Variants in ADGRV1 observed in about 807,000 individuals in gnomAD.
The protein encoded by ADGRV1 is adhesion G protein-coupled receptor V1, also known as G-protein coupled receptor 98.
ADGRV1 carries 359 observed loss-of-function variants against 596.2 expected under a neutral mutation model. That is an observed-to-expected ratio of 0.60 (90% CI 0.55 to 0.66). The LOEUF (loss-of-function observed/expected upper bound fraction) is 0.66, where lower values mean the gene tolerates loss of function less well. Ranked by LOEUF, ADGRV1 falls within the 30% of genes least tolerant of loss-of-function variation. The pLI is 0.00. For synonymous variants in ADGRV1, 2,681 were observed against 2,679.2 expected, an observed-to-expected ratio of 1.00 and a Z score of -0.02; for missense variants, 7,274 against 7,575.6, an observed-to-expected ratio of 0.96 and a Z score of 1.48.
rs912171479 is a variant in ADGRV1 at position 90,853,585 on chromosome 5, A to T, written c.17454+52A>T. ...TGGTTGGAATCTGATTTATTTCTTTAGCAGGCACACTTGGAATGCATTTGT... is the reference window on the plus strand; with the variant it reads ...TGGTTGGAATCTGATTTATTTCTTTTGCAGGCACACTTGGAATGCATTTGT... On this transcript the variant is annotated intron_variant, in intron 80 of 89. Coordinates refer to ENST00000405460, the MANE Select transcript of ADGRV1 (RefSeq NM_032119.4). 9 of 1,541,428 alleles carry T rather than the reference A, an allele frequency of 5.8e-6. No homozygotes were observed. In the East Asian group the frequency reaches 2.1e-4, roughly 35 times the overall value.
At chr5:90,780,280 A>G (rs1758699149) in intron 64 of ADGRV1, among the ~76,000 whole-genome samples, 1 of 152,304 alleles carries the variant, frequency 6.6e-6, no homozygotes. Flanking sequence ...CTCAAAAGGT[A>G]AGTAGTACAA....
rs868297040 is a variant in ADGRV1 at position 90,646,778 on chromosome 5, T to C, written c.3022+687T>C. On this transcript the variant is annotated intron_variant, in intron 16 of 89. Transcript: ENST00000405460. Reference sequence around the variant, plus strand: ...TTTGTATTCTTTCTTTCTTCTTCTTTTTTTTTTTTTTTTTGAGATGGAATA... The same window carrying C: ...TTTGTATTCTTTCTTTCTTCTTCTTCTTTTTTTTTTTTTTGAGATGGAATA... Among the ~76,000 whole-genome samples the C allele has an allele frequency of 1.4e-3, 154 of 107,050 alleles. 2 individuals are homozygous for C. In the East Asian group the frequency reaches 0.021, roughly 15 times the overall value. The allele number at this position is 107,050 out of a possible 152,430, so 70.2% of individuals were successfully genotyped here. A position where few individuals can be genotyped will look rare whatever the true frequency, so the allele number is the denominator to read the frequency against.
intron 21 of ADGRV1, among the ~76,000 whole-genome samples, chr5:90,668,988 CT>C (rs1192227458): frequency 6.6e-6 from 1 of 152,088 alleles, no homozygotes; most frequent in Non-Finnish European, 1.5e-5. Flanking sequence ...CTTAGTGTCT[CT>C]TTGGATCTAT....
intron 87 of ADGRV1, among the ~76,000 whole-genome samples, chr5:91,144,904 C>T: frequency 6.6e-6 from 1 of 152,212 alleles, no homozygotes; most frequent in Middle Eastern, 3.2e-3. Flanking sequence ...AATTGAGAAT[C>T]CAGATTCTCT....
chr5:90,627,592 C>T lies in ADGRV1; in HGVS notation c.1054C>T (p.Pro352Ser). ...ATTTCAAATAGTTGATGACACCATA[C>T]CGGAGATTGCTGAATCGTTTCACAT... The part of the protein sequence containing the change: ...LKFQIVDDTI[P>S]EIAESFHIML... Residue 352 changes from proline (P) to serine (S), a missense_variant, in exon 7 of 90, where the codon CCG becomes TCG. Pro to Ser is a moderately conservative substitution (Grantham distance 74). Transcript: ENST00000405460. 6.2e-7 allele frequency: 1 copy of T among 1,613,842 alleles called. No homozygotes were observed. The highest frequency in any genetic ancestry group is 8.5e-7 in the Non-Finnish European group (1 of 1,179,818).
intron 87 of ADGRV1, among the ~76,000 whole-genome samples, chr5:91,140,875 G>A (rs1034103008): frequency 2.2e-4 from 33 of 152,308 alleles, no homozygotes; most frequent in African/African-American, 7.0e-4. Context: ...AGAACACTGA[G>A]AGTCTCAGAG....
At chr5:90,789,430 CATCA>C (rs1759831941) in intron 68 of ADGRV1, among the ~76,000 whole-genome samples, 1 of 152,162 alleles carries the variant, frequency 6.6e-6, no homozygotes, top group African/African-American at 2.4e-5. Flanking sequence ...GAAATTCAGG[CATCA>C]AATTACTATT....
intron 85 of ADGRV1, among the ~76,000 whole-genome samples, chr5:90,986,330 TCA>T (rs1780503066): frequency 1.3e-5 from 2 of 151,900 alleles, no homozygotes; most frequent in African/African-American, 4.8e-5. Context: ...CTTAATTATC[TCA>T]CAGGTTATTA....
chr5:91,099,546 T>C (rs371566487), intron 86 of ADGRV1, among the ~76,000 whole-genome samples: 2 of 152,126 alleles, frequency 1.3e-5, no homozygotes, highest in Non-Finnish European at 2.9e-5. Flanking sequence ...AGCGAGGGAA[T>C]GGGTAACAGC....
chr5:91,055,146 G>A (rs1301562684), intron 85 of ADGRV1, among the ~76,000 whole-genome samples: 2 of 152,092 alleles, frequency 1.3e-5, no homozygotes, highest in Non-Finnish European at 2.9e-5. Context: ...TGCTATAAGT[G>A]CTCTAAAGGA....
At chr5:91,144,197 C>G (rs970243889) in intron 87 of ADGRV1, among the ~76,000 whole-genome samples, 2 of 152,234 alleles carry the variant, frequency 1.3e-5, no homozygotes, top group African/African-American at 4.8e-5. Context: ...GAGTTCAAAG[C>G]CCAGCCATAC....
Position 90,776,539 on chromosome 5 carries a change from GA to G in ADGRV1, c.12492del (p.Glu4164AspfsTer45). 1 of 1,613,348 alleles carries G rather than the reference GA, an allele frequency of 6.2e-7. No individual in the cohort carries two copies. The highest frequency in any genetic ancestry group is 8.5e-7 in the Non-Finnish European group (1 of 1,179,484). ...GTCATCTAGGCACATCCTCATTGGG[GA>G]ACCCTCAGCAAAATATAATGGTACC... ...APSSRHILIG[E>X]PSAKYNGTAI... On this transcript the variant is annotated frameshift_variant, in exon 61 of 90. Transcript: ENST00000405460. LOFTEE classifies it high-confidence loss of function.
intron 42 of ADGRV1, among the ~76,000 whole-genome samples, chr5:90,715,594 A>G (rs1749983079): frequency 6.6e-6 from 1 of 151,936 alleles, no homozygotes; most frequent in African/African-American, 2.4e-5. Context: ...TATAGGTTTT[A>G]TAGTTTTTAC....
At chr5:90,561,573 G>T (rs1314970227) in intron 1 of ADGRV1, among the ~76,000 whole-genome samples, 1 of 152,164 alleles carries the variant, frequency 6.6e-6, no homozygotes. Flanking sequence ...GACAGTGATT[G>T]TATTATATAT....
chr5:90,605,947 G>T (rs1484046828), intron 1 of ADGRV1, among the ~76,000 whole-genome samples: 1 of 151,984 alleles, frequency 6.6e-6, no homozygotes, highest in Non-Finnish European at 1.5e-5. Flanking sequence ...AAAAGAAAAA[G>T]AAAGTACTTG....
intron 1 of ADGRV1, among the ~76,000 whole-genome samples, chr5:90,594,485 CTTTTT>C (rs569370594): frequency 9.2e-6 from 1 of 108,316 alleles, no homozygotes; most frequent in African/African-American, 4.2e-5. Context: ...TCTGGCAGTT[CTTTTT>C]TTTTTTTTTT....
chr5:90,977,282 C>T (rs578204319), intron 84 of ADGRV1, among the ~76,000 whole-genome samples: 8 of 152,142 alleles, frequency 5.3e-5, no homozygotes, highest in East Asian at 3.9e-4. Flanking sequence ...GGGGCAAGGA[C>T]GAGGGATAAC....
intron 78 of ADGRV1, among the ~76,000 whole-genome samples, chr5:90,842,391 C>A (rs745371617): frequency 6.6e-5 from 10 of 152,008 alleles, no homozygotes; most frequent in Non-Finnish European, 1.5e-4. Context: ...CCTGGGAATA[C>A]TTGGAGGGAT....
At chr5:90,646,588 C>T (rs16868906) in intron 16 of ADGRV1, among the ~76,000 whole-genome samples, 23,911 of 151,856 alleles carry the variant, frequency 0.16, 2,077 homozygotes, top group East Asian at 0.37. Flanking sequence ...GCCACTTTAA[C>T]GCTTTCTTCA....
Sources: gnomAD v4.1 joint callset for allele counts (sites outside exome capture counted in the v4.1 genomes callset) on GRCh38, gnomAD v4.1.1 for gene constraint, MANE v1.5 for transcripts, NCBI Gene and HGNC (gene_info 2026-07-23, HGNC 2026-07-21) for gene names.